KNL1: variants seen among roughly 807,000 people sequenced by gnomAD.
KNL1 encodes the protein outer kinetochore KNL1 complex subunit KNL1.
Under a neutral mutation model 201.3 loss-of-function variants are expected in KNL1, and 66 were observed. That is an observed-to-expected ratio of 0.33 (90% CI 0.27 to 0.40). KNL1 has a LOEUF of 0.40. Among genes scored for constraint, KNL1 ranks in the 10% least tolerant of loss-of-function variants. KNL1 has a pLI of 1.00. For synonymous variants in KNL1, 895 were observed against 899.2 expected (o/e 1.00, Z 0.08); for missense variants, 2,815 against 2,690.5 (o/e 1.05, Z -1.02).
rs1463319679 is a variant in KNL1, at chr15:40,620,802, A to G, written c.538A>G (p.Thr180Ala). 1.9e-6 allele frequency: 3 copies of G among 1,612,024 alleles called. No homozygotes were observed. The highest frequency in any genetic ancestry group is 1.7e-6 in the Non-Finnish European group (2 of 1,179,476). The change falls in exon 10 of 26, where the codon ACA (threonine) becomes GCA (alanine). Residue 180 changes from threonine to alanine, a missense_variant. Thr to Ala is a moderately conservative substitution (Grantham distance 58). Around this residue, in one of 3 missense-constraint regions of KNL1, gnomAD observed 2,464 missense variants for 2,291.7 expected, o/e 1.08. Transcript: ENST00000399668. ...TGAAAAGTCCACCAAGATAGATACC[A>G]CATCATTTCTAGCTAATTTAAAGCT... ...ISEKSTKIDT[T>A]SFLANLKLHT...
rs111426749 is a variant in KNL1 at position 40,626,888 on chromosome 15, T to C, written c.5377-1182T>C. ...AGCCACCACGGCCCATAATGGCGTT[T>C]ATTTATTTATTTTTGTTTTGTTTTG... On this transcript the variant is annotated intron_variant, in intron 10 of 25. Coordinates refer to ENST00000399668, the MANE Select transcript of KNL1 (RefSeq NM_144508.5). Among the ~76,000 whole-genome samples the C allele has an allele frequency of 4.7e-3, 704 of 151,022 alleles. 6 individuals carry two copies. Among genetic ancestry groups the C allele is most frequent in the African/African-American group, 0.017 (680 of 41,066 alleles).
chr15:40,606,822 C>T (rs1234184755), intron 4 of KNL1, among the ~76,000 whole-genome samples: 5 of 152,144 alleles, frequency 3.3e-5, no homozygotes, highest in Non-Finnish European at 5.9e-5. Context: ...TACAATGGTG[C>T]GATCATGGCT....
intron 21 of KNL1, among the ~76,000 whole-genome samples, chr15:40,653,456 T>C (rs1028282620): frequency 6.6e-6 from 1 of 152,194 alleles, no homozygotes. Context: ...CCTCCCAAAG[T>C]GCTGGATTAC....
At position 40,629,391 on chromosome 15, in the gene KNL1, A is replaced by G; in HGVS notation, c.5682+20A>G. On this transcript the variant is annotated intron_variant, in intron 13 of 25. Transcript: ENST00000399668. Reference sequence around the variant, plus strand: ...GGCAATGTAAGTGCAGTTTCTTGGCAAAATGTTTGCATCAAAGCAAACATT... The same window carrying G: ...GGCAATGTAAGTGCAGTTTCTTGGCGAAATGTTTGCATCAAAGCAAACATT... The G allele has an allele frequency of 6.6e-7, 1 of 1,524,006 alleles. No individual in the cohort carries two copies. Among genetic ancestry groups the G allele is most frequent in the Non-Finnish European group, 8.9e-7 (1 of 1,119,912 alleles). The allele number at this position is 1,524,006 out of a possible 1,614,324, so 94.4% of individuals were successfully genotyped here. A position where few individuals can be genotyped will look rare whatever the true frequency, so the allele number is the denominator to read the frequency against.
At chr15:40,661,282 G>A (rs1190232459) in intron 25 of KNL1, among the ~76,000 whole-genome samples, 1 of 151,934 alleles carries the variant, frequency 6.6e-6, no homozygotes, top group Non-Finnish European at 1.5e-5. Flanking sequence ...CATGAGGTCA[G>A]GAGTTCAAGA....
intron 1 of KNL1, among the ~76,000 whole-genome samples, chr15:40,600,616 G>T (rs938147342): frequency 1.4e-4 from 22 of 152,204 alleles, no homozygotes; most frequent in African/African-American, 5.3e-4. Flanking sequence ...TCAGGTACCT[G>T]TTTACTTATT....
chr15:40,622,428 G>A lies in KNL1; in HGVS notation c.2164G>A (p.Val722Met). The A allele has an allele frequency of 1.2e-6, 2 of 1,613,880 alleles. No individual in the cohort carries two copies. Among genetic ancestry groups the A allele is most frequent in the Non-Finnish European group, 8.5e-7 (1 of 1,179,856 alleles). ...TGATACTGCTATAAGTAGTCATACA[G>A]TGAAATCTGTACTAGGCCAGAATTC... ...NHDTAISSHT[V>M]KSVLGQNSKL... Residue 722 changes from valine (V) to methionine (M), a missense_variant, in exon 10 of 26, where the codon GTG becomes ATG. This residue lies in a region of KNL1 where 2,464 missense variants were observed against 2,291.7 expected (regional missense o/e 1.08). Coordinates refer to ENST00000399668, the MANE Select transcript of KNL1 (RefSeq NM_144508.5).
intron 10 of KNL1, 164 bp downstream of exon 10, chr15:40,625,804 A>G (rs758600450): frequency 3.5e-6 from 2 of 573,802 alleles, no homozygotes; most frequent in Admixed American, 6.5e-5. Flanking sequence ...ACCTTCAGAA[A>G]TTAATTGACT....
chr15:40,608,785 C>T, intron 4 of KNL1, 62 bp from the exon 5 acceptor site: 4 of 1,085,278 alleles, frequency 3.7e-6, no homozygotes, highest in Non-Finnish European at 5.6e-6. Flanking sequence ...GTCTATAGTA[C>T]TCTGGAGATG....
In KNL1 at chr15:40,664,157, T is replaced by G; in HGVS notation, c.*1969T>G. ...TGCAACAACCAACTCTAAAAAAGATTTGGCTTGTAATGACGGTCTCTGCTT... is the reference window on the plus strand; with the variant it reads ...TGCAACAACCAACTCTAAAAAAGATGTGGCTTGTAATGACGGTCTCTGCTT... On this transcript the variant is annotated 3_prime_UTR_variant, in exon 26 of 26. Transcript: ENST00000399668. 1 of 183,280 alleles carries G rather than the reference T, an allele frequency of 5.5e-6. No individual in the cohort carries two copies. Among genetic ancestry groups the G allele is most frequent in the Non-Finnish European group, 1.2e-5 (1 of 86,166 alleles). 11.4% of individuals were successfully genotyped at this position (183,280 alleles called of 1,614,324 possible).
At chr15:40,635,507 A>C (rs1229595007) in intron 13 of KNL1, among the ~76,000 whole-genome samples, 1 of 151,826 alleles carries the variant, frequency 6.6e-6, no homozygotes, top group Non-Finnish European at 1.5e-5. Context: ...GGCATACACC[A>C]CCACGCCTGG....
At position 40,605,164 on chromosome 15, in the gene KNL1, C is replaced by T; in HGVS notation, c.75+15C>T. 7.3e-7 allele frequency: 1 copy of T among 1,378,080 alleles called. No individual in the cohort carries two copies. The highest frequency in any genetic ancestry group is 1.0e-6 in the Non-Finnish European group (1 of 966,094). 85.4% of individuals were successfully genotyped at this position (1,378,080 alleles called of 1,614,324 possible). On this transcript the variant is annotated intron_variant, in intron 3 of 25. Transcript: ENST00000399668. ...GGCATTCTTCAGTAAGAAAGACTTT[C>T]TTGAATTAATAATTGTCAGCTTTTA...
Position 40,647,072 on chromosome 15 carries a change from C to T in KNL1, c.6092C>T (p.Thr2031Ile). 7.0e-7 allele frequency: 1 copy of T among 1,420,634 alleles called. No homozygotes were observed. Among genetic ancestry groups the T allele is most frequent in the Non-Finnish European group, 9.9e-7 (1 of 1,005,658 alleles). 88.0% of individuals were successfully genotyped at this position (1,420,634 alleles called of 1,614,324 possible). Residue 2031 changes from threonine to isoleucine, a missense_variant and splice_region_variant, in exon 17 of 26, where the codon ACA becomes ATA. By Grantham distance (89) the Thr-to-Ile change is moderately conservative (BLOSUM62 -1). Transcript: ENST00000399668. Reference sequence around the variant, plus strand: ...GATAACTGCCTCACTGAGATGGAAACAGGTAAAGTATTTTAAATACTTTTC... The same window carrying T: ...GATAACTGCCTCACTGAGATGGAAATAGGTAAAGTATTTTAAATACTTTTC... ...KIDNCLTEME[T>I]ETKNLEDEEK...
intron 1 of KNL1, among the ~76,000 whole-genome samples, chr15:40,600,087 T>C (rs1386331446): frequency 1.3e-5 from 2 of 150,932 alleles, no homozygotes; most frequent in Non-Finnish European, 3.0e-5. Context: ...TTTTTTTTTT[T>C]TTTTTTGCAA....
In KNL1 at chr15:40,647,035, C is replaced by A. The variant is rs200632389; in HGVS notation, c.6055C>A (p.Leu2019Ile). 23 of 1,537,674 alleles carry A rather than the reference C, an allele frequency of 1.5e-5. 1 individual carries two copies. The African/African-American group carries it at 2.7e-4, about 18-fold the overall frequency. The part of the protein sequence containing the change: ...QIKIDEMDKI[L>I]KKIDNCLTEM... ...AAAGATAGATGAGATGGATAAAATA[C>A]TTAAGAAGATCGATAACTGCCTCAC... Residue 2019 changes from leucine (L) to isoleucine (I), a missense_variant, in exon 17 of 26, where the codon CTT becomes ATT. Around this residue, in one of 3 missense-constraint regions of KNL1, gnomAD observed 334 missense variants for 362.6 expected, o/e 0.92. Transcript: ENST00000399668.
chr15:40,662,640 T>C lies in KNL1; in HGVS notation c.*452T>C. Reference sequence around the variant, plus strand: ...TGTATCTGTCTACAAACTATTATCCTTTTTCTCCGTTACTAAAATGCTATT... The same window carrying C: ...TGTATCTGTCTACAAACTATTATCCCTTTTCTCCGTTACTAAAATGCTATT... On this transcript the variant is annotated 3_prime_UTR_variant, in exon 26 of 26. Coordinates refer to ENST00000399668, the MANE Select transcript of KNL1 (RefSeq NM_144508.5). 1.0e-5 allele frequency: 2 copies of C among 193,858 alleles called. No homozygotes were observed. The highest frequency in any genetic ancestry group is 8.2e-5 in the East Asian group (1 of 12,210). 12.0% of individuals were successfully genotyped at this position (193,858 alleles called of 1,614,324 possible).
chr15:40,642,768 C>G (rs1489677424), intron 14 of KNL1, among the ~76,000 whole-genome samples: 1 of 152,114 alleles, frequency 6.6e-6, no homozygotes, highest in Middle Eastern at 3.2e-3. Context: ...GCTGGGATTA[C>G]AGGTGCCCAC....
chr15:40,651,166 A>G (rs2141758441), intron 19 of KNL1, among the ~76,000 whole-genome samples: 2 of 152,182 alleles, frequency 1.3e-5, no homozygotes, highest in East Asian at 3.9e-4. Flanking sequence ...CTTTTTATCA[A>G]AAATAAAAAT....
In KNL1 at chr15:40,655,054, T is replaced by C. The variant is rs528522924; in HGVS notation, c.6484+77T>C. 15 of 1,145,466 alleles carry C rather than the reference T, an allele frequency of 1.3e-5. No individual in the cohort carries two copies. In the East Asian group the frequency reaches 3.4e-4, roughly 26 times the overall value. 71.0% of individuals were successfully genotyped at this position (1,145,466 alleles called of 1,614,324 possible). A position where few individuals can be genotyped will look rare whatever the true frequency, so the allele number is the denominator to read the frequency against. On this transcript the variant is annotated intron_variant, in intron 22 of 25. Coordinates refer to ENST00000399668, the MANE Select transcript of KNL1 (RefSeq NM_144508.5). ...GGCTCATGCCTTTAATCCCAGCACT[T>C]TGGGAGGCTGAGGCGGGTGGATCAC...
Sources: gnomAD v4.1 joint callset for allele counts (sites outside exome capture counted in the v4.1 genomes callset) on GRCh38, gnomAD v4.1.1 for gene constraint, gnomAD v4.1.1 regional missense constraint, MANE v1.5 for transcripts, NCBI Gene and HGNC (gene_info 2026-07-23, HGNC 2026-07-21) for gene names.